The following HEMK2 variants were observed in gnomAD, a reference collection of about 807,000 sequenced individuals.
The protein encoded by HEMK2 is HemK methyltransferase 2, ETF1 glutamine and histone H4 lysine.
chr21:28,694,929 C>T, the HEMK2 span, among the ~76,000 whole-genome samples: 4 of 150,132 alleles, frequency 2.7e-5, no homozygotes, highest in African/African-American at 7.4e-5. Flanking sequence ...ACCCAGGAGG[C>T]GGAGCTTGCA....
the HEMK2 span, among the ~76,000 whole-genome samples, chr21:28,785,373 A>G: frequency 6.6e-6 from 1 of 152,246 alleles, no homozygotes; most frequent in Non-Finnish European, 1.5e-5. Context: ...AAGACAATAC[A>G]GCAATATGTA....
the HEMK2 span, among the ~76,000 whole-genome samples, chr21:28,611,560 C>T: frequency 1.3e-5 from 2 of 152,116 alleles, no homozygotes; most frequent in Non-Finnish European, 2.9e-5. Flanking sequence ...AACAGACCAA[C>T]AACAAGCAGC....
the HEMK2 span, among the ~76,000 whole-genome samples, chr21:28,680,331 C>A: frequency 2.6e-5 from 4 of 152,134 alleles, no homozygotes; most frequent in African/African-American, 7.2e-5. Context: ...GACACATACA[C>A]CCTCCCAAGA....
At chr21:28,668,329 A>C in the HEMK2 span, among the ~76,000 whole-genome samples, 1 of 152,174 alleles carries the variant, frequency 6.6e-6, no homozygotes, top group Non-Finnish European at 1.5e-5. Flanking sequence ...ATAACAACTG[A>C]AATTTGTTTG....
the HEMK2 span, among the ~76,000 whole-genome samples, chr21:28,791,812 G>A: frequency 9.2e-5 from 14 of 152,112 alleles, no homozygotes; most frequent in African/African-American, 2.7e-4. Context: ...GGGAAAATGA[G>A]GATGAGACCT....
chr21:28,839,763 A>C, the HEMK2 span, among the ~76,000 whole-genome samples: 1 of 152,358 alleles, frequency 6.6e-6, no homozygotes, highest in Admixed American at 6.5e-5. Flanking sequence ...GGATAGGCAG[A>C]ATCAATATTG....
the HEMK2 span, among the ~76,000 whole-genome samples, chr21:28,839,883 A>C: frequency 8.5e-5 from 13 of 152,174 alleles, no homozygotes; most frequent in African/African-American, 2.9e-4. Context: ...ATTCATACAG[A>C]ACGAAAAAAG....
the HEMK2 span, among the ~76,000 whole-genome samples, chr21:28,836,657 T>C: frequency 1.3e-5 from 2 of 152,206 alleles, no homozygotes; most frequent in African/African-American, 2.4e-5. Flanking sequence ...GTACCTCACA[T>C]TTCAATACTA....
the HEMK2 span, among the ~76,000 whole-genome samples, chr21:28,626,191 G>C: frequency 6.6e-6 from 1 of 152,054 alleles, no homozygotes; most frequent in Non-Finnish European, 1.5e-5. Context: ...TGGCACAAAG[G>C]ATGGGTGGAG....
the HEMK2 span, among the ~76,000 whole-genome samples, chr21:28,667,644 C>T: frequency 6.6e-6 from 1 of 152,086 alleles, no homozygotes; most frequent in Admixed American, 6.6e-5. Context: ...ACCTACTATG[C>T]ACCTACAGAA....
At chr21:28,741,007 C>T in the HEMK2 span, among the ~76,000 whole-genome samples, 5 of 152,140 alleles carry the variant, frequency 3.3e-5, no homozygotes, top group Non-Finnish European at 5.9e-5. Context: ...TAATTTACTT[C>T]CTAAGTTGGT....
At chr21:28,831,655 G>GA in the HEMK2 span, among the ~76,000 whole-genome samples, 83 of 35,738 alleles carry the variant, frequency 2.3e-3, 3 homozygotes, top group East Asian at 0.015. Flanking sequence ...AAGAAAGAAA[G>GA]AAAGAAAGAA....
chr21:28,635,972 G>A, the HEMK2 span, among the ~76,000 whole-genome samples: 1 of 152,022 alleles, frequency 6.6e-6, no homozygotes, highest in Admixed American at 6.6e-5. Flanking sequence ...GTGGCTATTG[G>A]ACAACACATG....
At chr21:28,875,119 A>G in the HEMK2 span, 1 of 152,324 alleles carries the variant, frequency 6.6e-6, no homozygotes, top group Non-Finnish European at 1.5e-5. Flanking sequence ...GAAGGCAGGT[A>G]GCAGAAGTGG....
the HEMK2 span, among the ~76,000 whole-genome samples, chr21:28,634,154 A>T: frequency 6.6e-6 from 1 of 152,028 alleles, no homozygotes; most frequent in Non-Finnish European, 1.5e-5. Context: ...TATTTTGAGA[A>T]CTCCAAGCAG....
the HEMK2 span, among the ~76,000 whole-genome samples, chr21:28,694,789 G>A: frequency 6.0e-4 from 92 of 152,240 alleles, no homozygotes; most frequent in Non-Finnish European, 6.9e-4. Context: ...CAGGAGATTG[G>A]AGATCAAGGC....
the HEMK2 span, among the ~76,000 whole-genome samples, chr21:28,685,687 T>C: frequency 4.5e-3 from 682 of 152,270 alleles, 4 homozygotes; most frequent in Non-Finnish European, 7.6e-3. Flanking sequence ...TAATGTACTA[T>C]TGCAATAAGG....
At chr21:28,720,179 A>T in the HEMK2 span, among the ~76,000 whole-genome samples, 1 of 152,200 alleles carries the variant, frequency 6.6e-6, no homozygotes, top group Non-Finnish European at 1.5e-5. Context: ...CAATCCAACA[A>T]TAGACAGTAA....
chr21:28,639,952 G>A, the HEMK2 span, among the ~76,000 whole-genome samples: 1 of 152,176 alleles, frequency 6.6e-6, no homozygotes, highest in Non-Finnish European at 1.5e-5. Context: ...GGATCTGAGG[G>A]GGTGGAGGAG....
Sources: allele counts gnomAD v4.1 joint callset (sites outside exome capture counted in the v4.1 genomes callset), GRCh38; gene constraint gnomAD v4.1.1; transcripts MANE v1.5; gene names NCBI Gene and HGNC (gene_info 2026-07-23, HGNC 2026-07-21).